The following RUNX1 variants were observed in gnomAD, a reference collection of about 807,000 sequenced individuals.
The protein encoded by RUNX1 is runt-related transcription factor 1.
RUNX1 carries 19 observed loss-of-function variants against 42.8 expected under a neutral mutation model. That is an observed-to-expected ratio of 0.44 (90% confidence interval 0.31 to 0.65). The LOEUF is 0.65. Among genes scored for constraint, RUNX1 ranks in the 30% least tolerant of loss-of-function variants. The pLI, the probability that RUNX1 is intolerant of heterozygous loss-of-function variation, is 0.07. For missense variants in RUNX1, 528 were observed against 672.0 expected (o/e 0.79, Z 2.37); for synonymous variants, 271 against 289.4 (o/e 0.94, Z 0.64).
In RUNX1 at chr21:34,973,860, G is replaced by A. The variant is rs112790602; in HGVS notation, c.58+74982C>T. ...ACAAGTCTCCAGGGAGAAATGCATC[G>A]CTGATATGATGGCTTTATCTACATT... On this transcript the variant is annotated intron_variant, in intron 2 of 8. Transcript: ENST00000675419. Among the ~76,000 whole-genome samples, 24 of 152,278 alleles carry A rather than the reference G, an allele frequency of 1.6e-4. 1 individual carries two copies. Among genetic ancestry groups the A allele is most frequent in the South Asian group, 8.3e-4 (4 of 4,832 alleles).
rs576523113 is a variant in RUNX1, at chr21:35,024,478, G to A, written c.58+24364C>T. Among the ~76,000 whole-genome samples the A allele has an allele frequency of 1.6e-4, 25 of 152,304 alleles. No individual in the cohort carries two copies. The South Asian group carries it at 5.2e-3, about 32-fold the overall frequency. ...CCCTAATACAACACAATGTCTTTATGTGTGTGCTATTAGTAATCAGAGCAT... is the reference window on the plus strand; with the variant it reads ...CCCTAATACAACACAATGTCTTTATATGTGTGCTATTAGTAATCAGAGCAT... On this transcript the variant is annotated intron_variant, in intron 2 of 8. Coordinates refer to ENST00000675419, the MANE Select transcript of RUNX1 (RefSeq NM_001754.5).
chr21:34,916,231 TAA>T (rs2058311067), intron 2 of RUNX1, among the ~76,000 whole-genome samples: 1 of 152,234 alleles, frequency 6.6e-6, no homozygotes, highest in African/African-American at 2.4e-5. Context: ...ACAGCTGCTA[TAA>T]GTTTGTGTTT....
intron 2 of RUNX1, among the ~76,000 whole-genome samples, chr21:34,969,108 T>C (rs1448960121): frequency 2.0e-5 from 3 of 152,202 alleles, no homozygotes; most frequent in Non-Finnish European, 2.9e-5. Context: ...TACAGGCCTC[T>C]GTCTGCTTAA....
At position 34,792,955 on chromosome 21, in the gene RUNX1, G is replaced by A. The variant is rs1362487862; in HGVS notation, c.968-345C>T. 6.6e-6 allele frequency among the ~76,000 whole-genome samples: 1 copy of A among 150,964 alleles called. No individual in the cohort carries two copies. Among genetic ancestry groups the A allele is most frequent in the African/African-American group, 2.4e-5 (1 of 40,984 alleles). On this transcript the variant is annotated intron_variant, in intron 8 of 8. Coordinates refer to ENST00000675419, the MANE Select transcript of RUNX1 (RefSeq NM_001754.5). The surrounding 1 kb of genome is among the most constrained non-coding windows in gnomAD (Gnocchi z 6.9). ...TCAGGATGCCACCTCCTGAGAGGAC[G>A]GAGACCACCCAGGATGACACCACCT...
At chr21:35,046,968 C>A (rs116032147) in intron 2 of RUNX1, among the ~76,000 whole-genome samples, 88 of 152,206 alleles carry the variant, frequency 5.8e-4, no homozygotes, top group African/African-American at 2.0e-3. Flanking sequence ...CCATCGGGCA[C>A]AGGAGCCCTG....
intron 2 of RUNX1, among the ~76,000 whole-genome samples, chr21:34,971,735 G>C (rs749023097): frequency 1.3e-5 from 2 of 152,186 alleles, no homozygotes; most frequent in Non-Finnish European, 2.9e-5. Flanking sequence ...GAGATAGGGA[G>C]GTAAACTCCG....
At chr21:34,896,405 G>A (rs1381829592) in intron 2 of RUNX1, among the ~76,000 whole-genome samples, 4 of 152,100 alleles carry the variant, frequency 2.6e-5, no homozygotes, top group East Asian at 1.9e-4. Context: ...AAATGCAGCC[G>A]GGCATGGTGG....
Position 34,931,343 on chromosome 21 carries a change from T to C in RUNX1, c.59-38380A>G, listed in dbSNP as rs568277512. On this transcript the variant is annotated intron_variant, in intron 2 of 8. Coordinates refer to ENST00000675419, the MANE Select transcript of RUNX1 (RefSeq NM_001754.5). ...TTATATATATATACACATTTATATA[T>C]ATATATACATGTGTATATATATGTG... Among the ~76,000 whole-genome samples, 3 of 146,026 alleles carry C rather than the reference T, an allele frequency of 2.1e-5. No homozygotes were observed. The East Asian group carries it at 5.9e-4, about 29-fold the overall frequency.
chr21:35,016,758 C>T (rs1207855403), intron 2 of RUNX1, among the ~76,000 whole-genome samples: 2 of 152,048 alleles, frequency 1.3e-5, no homozygotes, highest in African/African-American at 4.8e-5. Context: ...AGCACTTGCC[C>T]CAGGCCCCCT....
chr21:35,044,227 C>T (rs1457039631), intron 2 of RUNX1, among the ~76,000 whole-genome samples: 2 of 152,172 alleles, frequency 1.3e-5, no homozygotes, highest in African/African-American at 2.4e-5. Context: ...GCTGTACTCT[C>T]GGCCTAGACC....
intron 2 of RUNX1, among the ~76,000 whole-genome samples, chr21:34,990,745 C>T (rs2058930743): frequency 2.6e-5 from 4 of 152,032 alleles, no homozygotes. Flanking sequence ...GCACCCACCA[C>T]CACGCCTGGC....
At chr21:34,893,951 A>G (rs1210310223) in intron 2 of RUNX1, among the ~76,000 whole-genome samples, 2 of 152,160 alleles carry the variant, frequency 1.3e-5, no homozygotes, top group African/African-American at 4.8e-5. Context: ...ATGAAATATT[A>G]AAGGAATTAA....
At chr21:34,918,574 C>T (rs1404467019) in intron 2 of RUNX1, among the ~76,000 whole-genome samples, 1 of 152,144 alleles carries the variant, frequency 6.6e-6, no homozygotes, top group East Asian at 1.9e-4. Flanking sequence ...ATCCTGAGGC[C>T]TATACTGTAA....
intron 8 of RUNX1, among the ~76,000 whole-genome samples, chr21:34,798,347 T>G (rs1020707834): frequency 6.6e-6 from 1 of 152,162 alleles, no homozygotes; most frequent in Admixed American, 6.5e-5. Context: ...ACAAAGGAAT[T>G]TTTCTCTGTA....
intron 6 of RUNX1, among the ~76,000 whole-genome samples, chr21:34,858,730 G>A (rs2057529007): frequency 6.6e-6 from 1 of 152,136 alleles, no homozygotes; most frequent in Non-Finnish European, 1.5e-5. Context: ...CCACAGACCT[G>A]GAACTGTAAC....
At chr21:34,916,411 G>C (rs1482434902) in intron 2 of RUNX1, among the ~76,000 whole-genome samples, 2 of 152,200 alleles carry the variant, frequency 1.3e-5, no homozygotes, top group Non-Finnish European at 2.9e-5. Flanking sequence ...TTTGATGAAG[G>C]CATGGTCCCT....
intron 2 of RUNX1, among the ~76,000 whole-genome samples, chr21:34,928,050 A>G (rs763803051): frequency 1.3e-5 from 2 of 152,246 alleles, no homozygotes; most frequent in African/African-American, 2.4e-5. Context: ...ATAAGCGGCC[A>G]GAATTAGTCA....
At position 34,792,707 on chromosome 21, in the gene RUNX1, G is replaced by T. The variant is rs905224944; in HGVS notation, c.968-97C>A. ...CCAGGGGGCTACCCAGGATGATACC[G>T]CCTAGGAGGATGGGAAGCCACCCAG... On this transcript the variant is annotated intron_variant, in intron 8 of 8. Coordinates refer to ENST00000675419, the MANE Select transcript of RUNX1 (RefSeq NM_001754.5). The surrounding 1 kb of genome is among the most constrained non-coding windows in gnomAD (Gnocchi z 6.9). 5.8e-5 allele frequency: 72 copies of T among 1,235,196 alleles called. No individual in the cohort carries two copies. Among genetic ancestry groups the T allele is most frequent in the Non-Finnish European group, 7.5e-5 (68 of 907,050 alleles). 76.5% of individuals were successfully genotyped at this position (1,235,196 alleles called of 1,614,324 possible).
chr21:34,996,636 C>CT (rs1172085647), intron 2 of RUNX1, among the ~76,000 whole-genome samples: 10 of 148,832 alleles, frequency 6.7e-5, no homozygotes, highest in East Asian at 2.0e-4. Flanking sequence ...ATGCTGAACT[C>CT]TCTCTCTCTC....
Sources: allele counts gnomAD v4.1 joint callset (sites outside exome capture counted in the v4.1 genomes callset), GRCh38; gene constraint gnomAD v4.1.1; non-coding constraint Gnocchi (gnomAD v3.1); transcripts MANE v1.5; gene names NCBI Gene and HGNC (gene_info 2026-07-23, HGNC 2026-07-21).